KLF17: variants seen among roughly 807,000 people sequenced by gnomAD.
KLF17 encodes the protein Krueppel-like factor 17.
In KLF17, 31 loss-of-function variants were observed where a neutral mutation model predicts 34.2. The observed-to-expected ratio is 0.91, with a 90% CI of 0.68 to 1.22. The LOEUF is 1.22. Among genes scored for constraint, KLF17 ranks in the 50% most tolerant of loss-of-function variants. KLF17 has a pLI of 0.00. For missense variants in KLF17, 478 were observed against 505.2 expected, an observed-to-expected ratio of 0.95 and a Z score of 0.52; for synonymous variants, 179 against 186.7, an observed-to-expected ratio of 0.96 and a Z score of 0.34.
upstream of KLF17, among the ~76,000 whole-genome samples, chr1:44,117,983 C>T (rs1242532520): frequency 6.6e-6 from 1 of 152,204 alleles, no homozygotes; most frequent in Non-Finnish European, 1.5e-5. Context: ...AAGGCCCTAT[C>T]CCTCTGTCCT....
Position 44,126,614 on chromosome 1 carries a change from C to T in KLF17, c.82-2739C>T, listed in dbSNP as rs571879713. On this transcript the variant is annotated intron_variant, in intron 1 of 3. Transcript: ENST00000372299. ...TATCTTCCTTGATGTCACTTCCTGT[C>T]TCCTTTTGACCCAGTCCTAATCTTT... Among the ~76,000 whole-genome samples, 4 of 152,246 alleles carry T rather than the reference C, an allele frequency of 2.6e-5. No homozygotes were observed. In the South Asian group the frequency reaches 6.2e-4, roughly 24 times the overall value.
At chr1:44,108,228 G>T in the KLF17 span, among the ~76,000 whole-genome samples, 2 of 152,170 alleles carry the variant, frequency 1.3e-5, no homozygotes, top group East Asian at 3.8e-4. Context: ...ATTCAGCAGT[G>T]GAAGCTCTGT....
the KLF17 span, among the ~76,000 whole-genome samples, chr1:44,052,423 T>C: frequency 2.0e-5 from 3 of 152,194 alleles, no homozygotes; most frequent in Non-Finnish European, 2.9e-5. Context: ...AACGTTGTTT[T>C]TGGTGTCTCT....
the KLF17 span, among the ~76,000 whole-genome samples, chr1:44,089,889 C>A: frequency 2.0e-5 from 3 of 151,890 alleles, no homozygotes; most frequent in African/African-American, 7.3e-5. Context: ...GGGATGGGTG[C>A]GGTGACTCAT....
chr1:44,060,038 C>T, the KLF17 span, among the ~76,000 whole-genome samples: 1 of 151,998 alleles, frequency 6.6e-6, no homozygotes, highest in Admixed American at 6.6e-5. Flanking sequence ...AACATCACAC[C>T]CCGTAGGGCC....
At chr1:44,058,426 G>A in the KLF17 span, among the ~76,000 whole-genome samples, 9 of 152,208 alleles carry the variant, frequency 5.9e-5, no homozygotes, top group Non-Finnish European at 1.0e-4. Context: ...GAGTAGCTGG[G>A]ACTACAGGCA....
chr1:44,088,303 G>C, the KLF17 span: 2 of 152,134 alleles, frequency 1.3e-5, no homozygotes, highest in Non-Finnish European at 2.9e-5. Flanking sequence ...TTTTAGTAGA[G>C]ATGGGGTTTT....
chr1:44,062,148 C>T, the KLF17 span, among the ~76,000 whole-genome samples: 1 of 152,192 alleles, frequency 6.6e-6, no homozygotes, highest in Non-Finnish European at 1.5e-5. Flanking sequence ...CACTGTGTCA[C>T]CAACACCCAT....
chr1:44,052,242 G>A, the KLF17 span: 1 of 152,192 alleles, frequency 6.6e-6, no homozygotes, highest in African/African-American at 2.4e-5. Context: ...GCCTTTTTCT[G>A]CTCTGAAGTT....
chr1:44,070,031 C>A, the KLF17 span: 2 of 152,214 alleles, frequency 1.3e-5, no homozygotes, highest in African/African-American at 4.8e-5. Context: ...GCATTCCCCC[C>A]ACCTTTGACC....
the KLF17 span, among the ~76,000 whole-genome samples, chr1:44,113,492 G>T: frequency 4.6e-4 from 70 of 152,304 alleles, no homozygotes; most frequent in Admixed American, 1.0e-3. Context: ...GTAACCCGGG[G>T]CAGTGCAAGT....
At chr1:44,049,231 C>A in the KLF17 span, among the ~76,000 whole-genome samples, 7 of 152,106 alleles carry the variant, frequency 4.6e-5, no homozygotes, top group Non-Finnish European at 1.0e-4. Flanking sequence ...CCCTCATCAC[C>A]GCATCTAAAC....
the KLF17 span, chr1:44,044,943 C>T: frequency 6.6e-6 from 1 of 152,156 alleles, no homozygotes; most frequent in East Asian, 1.9e-4. Context: ...TGCCAAAGGC[C>T]ACTTCAGTCT....
At chr1:44,093,185 C>T in the KLF17 span, among the ~76,000 whole-genome samples, 3 of 152,158 alleles carry the variant, frequency 2.0e-5, no homozygotes, top group Non-Finnish European at 2.9e-5. Flanking sequence ...AGAAAGACTT[C>T]TCCTCTACCA....
At chr1:44,090,449 T>C in the KLF17 span, among the ~76,000 whole-genome samples, 2 of 150,136 alleles carry the variant, frequency 1.3e-5, no homozygotes, top group East Asian at 3.9e-4. Flanking sequence ...TACCTGTAAG[T>C]AGAAAAAATA....
the KLF17 span, among the ~76,000 whole-genome samples, chr1:44,073,977 A>T: frequency 6.6e-6 from 1 of 152,014 alleles, no homozygotes; most frequent in Non-Finnish European, 1.5e-5. Context: ...TGTATCCCCA[A>T]CTCTTAGAAT....
upstream of KLF17, among the ~76,000 whole-genome samples, chr1:44,117,858 A>G (rs1215343228): frequency 6.6e-6 from 1 of 152,144 alleles, no homozygotes; most frequent in Non-Finnish European, 1.5e-5. Flanking sequence ...ATCCATAAGG[A>G]GCCAAATGGT....
chr1:44,129,206 G>T, intron 1 of KLF17, 147 bp from the exon 2 acceptor site: 1 of 961,032 alleles, frequency 1.0e-6, no homozygotes. Flanking sequence ...ATGTTAGAAA[G>T]CCCAAGCTGG....
Position 44,127,706 on chromosome 1 carries a change from T to TCTTTC in KLF17, c.82-1647_82-1646insCTTTC, listed in dbSNP as rs1557732074. On this transcript the variant is annotated intron_variant, in intron 1 of 3. Coordinates refer to ENST00000372299, the MANE Select transcript of KLF17 (RefSeq NM_173484.4). ...TCTTTCTTTCTTTTTCTTTCTTTCT[T>TCTTTC]TCTTTCTTCTCTTTTCTTTCTTTCT... Among the ~76,000 whole-genome samples, 232 of 132,850 alleles carry TCTTTC rather than the reference T, an allele frequency of 1.7e-3. 1 individual carries two copies. Among genetic ancestry groups the TCTTTC allele is most frequent in the African/African-American group, 7.8e-3 (218 of 27,980 alleles). 87.2% of individuals were successfully genotyped at this position (132,850 alleles called of 152,430 possible).
Sources: gnomAD v4.1 joint callset for allele counts (sites outside exome capture counted in the v4.1 genomes callset) on GRCh38, gnomAD v4.1.1 for gene constraint, MANE v1.5 for transcripts, NCBI Gene and HGNC (gene_info 2026-07-23, HGNC 2026-07-21) for gene names.